Variants in GRIK2 observed in about 807,000 individuals in gnomAD.
GRIK2 encodes glutamate receptor ionotropic, kainate 2.
In GRIK2, 32 loss-of-function variants were observed where a neutral mutation model predicts 100.3. The observed-to-expected ratio is 0.32, with a 90% CI of 0.24 to 0.43. The LOEUF is 0.43. Among genes scored for constraint, GRIK2 ranks in the 20% least tolerant of loss-of-function variants. GRIK2 has a pLI of 1.00. For missense variants in GRIK2, 843 were observed against 1,114.9 expected, an observed-to-expected ratio of 0.76 and a Z score of 3.47; for synonymous variants, 417 against 389.4, an observed-to-expected ratio of 1.07 and a Z score of -0.83.
intron 2 of GRIK2, among the ~76,000 whole-genome samples, chr6:101,584,010 A>G (rs1778228276): frequency 6.6e-6 from 1 of 152,094 alleles, no homozygotes; most frequent in Non-Finnish European, 1.5e-5. Flanking sequence ...GTCATTGAGT[A>G]TTGGCATGAT....
intron 11 of GRIK2, among the ~76,000 whole-genome samples, chr6:101,861,817 G>T (rs1198564874): frequency 6.6e-6 from 1 of 152,086 alleles, no homozygotes; most frequent in Non-Finnish European, 1.5e-5. Flanking sequence ...CACTGATAAT[G>T]AGGCTGATTA....
chr6:101,952,037 CTTCAACAGTCATAACCTTTT>C (rs1791635110), intron 14 of GRIK2, among the ~76,000 whole-genome samples: 1 of 152,166 alleles, frequency 6.6e-6, no homozygotes, highest in African/African-American at 2.4e-5. Context: ...TCATGTTTTC[CTTCAACAGTCATAACCTTTT>C]TTCTCCCACA....
chr6:102,048,292 G>A (rs1180682210), intron 15 of GRIK2, among the ~76,000 whole-genome samples: 1 of 151,910 alleles, frequency 6.6e-6, no homozygotes, highest in Non-Finnish European at 1.5e-5. Context: ...ATACAACATT[G>A]AGTTGGGCAA....
intron 2 of GRIK2, among the ~76,000 whole-genome samples, chr6:101,579,361 C>T (rs1261406016): frequency 2.0e-5 from 3 of 152,088 alleles, no homozygotes; most frequent in African/African-American, 4.8e-5. Flanking sequence ...AAGATTGCTT[C>T]CAAAATGCTC....
At chr6:101,872,756 C>A (rs1354908610) in intron 11 of GRIK2, among the ~76,000 whole-genome samples, 1 of 151,782 alleles carries the variant, frequency 6.6e-6, no homozygotes, top group Non-Finnish European at 1.5e-5. Flanking sequence ...CTCCATAATT[C>A]CTCACATAAA....
At chr6:101,695,340 T>C (rs1308898954) in intron 7 of GRIK2, among the ~76,000 whole-genome samples, 4 of 152,142 alleles carry the variant, frequency 2.6e-5, no homozygotes, top group Admixed American at 2.6e-4. Context: ...ATCTCTTTCA[T>C]GAGTGCTTAA....
intron 2 of GRIK2, among the ~76,000 whole-genome samples, chr6:101,456,116 G>T (rs1287626820): frequency 4.0e-5 from 6 of 148,712 alleles, no homozygotes; most frequent in Non-Finnish European, 6.0e-5. Flanking sequence ...AATTGGGACA[G>T]ATTTTTTTTT....
At chr6:101,463,606 G>T (rs1278419880) in intron 2 of GRIK2, among the ~76,000 whole-genome samples, 1 of 151,880 alleles carries the variant, frequency 6.6e-6, no homozygotes, top group African/African-American at 2.4e-5. Flanking sequence ...TTAATAAAAC[G>T]ATTTAAAATG....
intron 2 of GRIK2, among the ~76,000 whole-genome samples, chr6:101,449,708 ATTCT>A (rs1292048874): frequency 1.5e-5 from 2 of 129,082 alleles, no homozygotes; most frequent in African/African-American, 2.8e-5. Flanking sequence ...TCTGCATAGT[ATTCT>A]TTGACACTGT....
At chr6:102,026,722 A>G (rs73500542) in intron 14 of GRIK2, among the ~76,000 whole-genome samples, 5,090 of 151,344 alleles carry the variant, frequency 0.034, 156 homozygotes, top group African/African-American at 0.07. Context: ...ACTAACACTG[A>G]GAAGAGCAAT....
intron 14 of GRIK2, among the ~76,000 whole-genome samples, chr6:101,953,742 C>G (rs1791742567): frequency 6.6e-6 from 1 of 152,080 alleles, no homozygotes; most frequent in African/African-American, 2.4e-5. Flanking sequence ...CTTTGATATA[C>G]AAAAGCTTTT....
At chr6:101,467,041 CTATT>C (rs1746554315) in intron 2 of GRIK2, among the ~76,000 whole-genome samples, 1 of 152,098 alleles carries the variant, frequency 6.6e-6, no homozygotes, top group African/African-American at 2.4e-5. Context: ...AATGAAATGT[CTATT>C]CATTCATTTT....
At chr6:101,892,608 A>G (rs951340467) in intron 12 of GRIK2, among the ~76,000 whole-genome samples, 1 of 152,014 alleles carries the variant, frequency 6.6e-6, no homozygotes, top group African/African-American at 2.4e-5. Flanking sequence ...TAGGAAAATG[A>G]TACTATTTCA....
chr6:101,696,780 T>A (rs1206560181), intron 7 of GRIK2, among the ~76,000 whole-genome samples: 1 of 151,844 alleles, frequency 6.6e-6, no homozygotes, highest in African/African-American at 2.4e-5. Flanking sequence ...CCCTAAACTA[T>A]TGTCAGAAGC....
chr6:101,804,858 A>G (rs1471527846), intron 9 of GRIK2, among the ~76,000 whole-genome samples: 3 of 151,966 alleles, frequency 2.0e-5, no homozygotes, highest in African/African-American at 7.2e-5. Flanking sequence ...AGAAAAATTG[A>G]AAATTCCATT....
intron 14 of GRIK2, among the ~76,000 whole-genome samples, chr6:102,034,899 A>G (rs1332709453): frequency 6.6e-6 from 1 of 151,342 alleles, no homozygotes; most frequent in African/African-American, 2.4e-5. Context: ...GGGGGAAAAC[A>G]AACAAACTCT....
intron 12 of GRIK2, among the ~76,000 whole-genome samples, chr6:101,908,407 A>G (rs1788395835): frequency 4.2e-5 from 1 of 24,094 alleles, no homozygotes; most frequent in African/African-American, 1.8e-4. Context: ...ATAATATATG[A>G]ATGTTTATAT....
chr6:101,677,224 A>T (rs1770906578), intron 5 of GRIK2, among the ~76,000 whole-genome samples: 1 of 152,110 alleles, frequency 6.6e-6, no homozygotes, highest in Non-Finnish European at 1.5e-5. Flanking sequence ...TATATATTTG[A>T]TCTTATTTCA....
chr6:101,794,834 C>T (rs1355504777), intron 7 of GRIK2, among the ~76,000 whole-genome samples: 1 of 148,906 alleles, frequency 6.7e-6, no homozygotes, highest in Non-Finnish European at 1.5e-5. Context: ...ATGTTGATAT[C>T]TACACATTTT....
Sources: allele counts gnomAD v4.1 joint callset (sites outside exome capture counted in the v4.1 genomes callset), GRCh38; gene constraint gnomAD v4.1.1; transcripts MANE v1.5; gene names NCBI Gene and HGNC (gene_info 2026-07-23, HGNC 2026-07-21).